The following CDH12 variants were observed in gnomAD, a reference collection of about 807,000 sequenced individuals.
CDH12 encodes the protein cadherin 12, also known as cadherin-12.
A neutral mutation model predicts 74.1 loss-of-function variants in CDH12; 41 were observed. The observed-to-expected ratio is 0.55, with a 90% CI of 0.43 to 0.72. The LOEUF is 0.72. Among genes scored for constraint, CDH12 ranks in the 30% least tolerant of loss-of-function variants. The pLI, the probability that CDH12 is intolerant of heterozygous loss-of-function variation, is 0.00. For missense variants in CDH12, 945 were observed against 977.2 expected (o/e 0.97, Z 0.44); for synonymous variants, 399 against 355.0 (o/e 1.12, Z -1.39).
intron 2 of CDH12, among the ~76,000 whole-genome samples, chr5:22,466,391 A>T (rs2662507): frequency 0.43 from 65,084 of 151,964 alleles, 14,403 homozygotes; most frequent in Admixed American, 0.61. Context: ...ACTGGGATGT[A>T]CAGACCAAAG....
intron 3 of CDH12, among the ~76,000 whole-genome samples, chr5:22,343,920 C>A (rs1408919003): frequency 6.6e-6 from 1 of 152,168 alleles, no homozygotes; most frequent in Non-Finnish European, 1.5e-5. Context: ...TACATTTTCA[C>A]TTAAATTCAC....
chr5:22,053,571 T>C (rs761857510), intron 5 of CDH12, among the ~76,000 whole-genome samples: 1 of 152,260 alleles, frequency 6.6e-6, no homozygotes, highest in Non-Finnish European at 1.5e-5. Flanking sequence ...TCTAGTTCAC[T>C]GATTTCATAA....
intron 1 of CDH12, among the ~76,000 whole-genome samples, chr5:22,794,501 T>A (rs1748087623): frequency 6.6e-6 from 1 of 152,172 alleles, no homozygotes; most frequent in South Asian, 2.1e-4. Flanking sequence ...TGTACGATGA[T>A]CTGCTTACCT....
chr5:22,167,150 G>C (rs1031566353), intron 4 of CDH12, among the ~76,000 whole-genome samples: 3 of 152,144 alleles, frequency 2.0e-5, no homozygotes, highest in Non-Finnish European at 2.9e-5. Context: ...AATTTGTTTA[G>C]ATTAGACCCA....
At chr5:22,375,062 C>G (rs187274559) in intron 3 of CDH12, among the ~76,000 whole-genome samples, 2 of 152,038 alleles carry the variant, frequency 1.3e-5, no homozygotes, top group East Asian at 3.9e-4. Context: ...TATTATAAAG[C>G]TATAATAATC....
chr5:21,878,712 C>T (rs1242501882), intron 6 of CDH12, among the ~76,000 whole-genome samples: 1 of 150,552 alleles, frequency 6.6e-6, no homozygotes, highest in African/African-American at 2.4e-5. Context: ...TGCACTCCAT[C>T]TTCTACAATA....
chr5:22,425,375 G>A (rs1054086287), intron 2 of CDH12, among the ~76,000 whole-genome samples: 4 of 151,018 alleles, frequency 2.6e-5, no homozygotes, highest in African/African-American at 9.7e-5. Context: ...GTCAACGAGT[G>A]TACTGTGTAC....
At position 22,253,279 on chromosome 5, in the gene CDH12, A is replaced by T. The variant is rs550706086; in HGVS notation, c.-332-40636T>A. On this transcript the variant is annotated intron_variant, in intron 3 of 14. Coordinates refer to ENST00000382254, the MANE Select transcript of CDH12 (RefSeq NM_004061.5). ...AGGTACAGCATGACTTTTAAAAGTG[A>T]CTATTTTTCCTTCAGCTGTATCATG... 5.6e-4 allele frequency among the ~76,000 whole-genome samples: 85 copies of T among 152,076 alleles called. No homozygotes were observed. The South Asian group carries it at 0.012, about 22-fold the overall frequency.
intron 3 of CDH12, among the ~76,000 whole-genome samples, chr5:22,330,077 C>A (rs1412813416): frequency 2.6e-5 from 4 of 152,152 alleles, no homozygotes; most frequent in Admixed American, 2.6e-4. Flanking sequence ...CTTCAGCTTG[C>A]ATCAAAGAGA....
intron 6 of CDH12, among the ~76,000 whole-genome samples, chr5:21,939,545 C>T (rs1215924366): frequency 6.6e-6 from 1 of 151,980 alleles, no homozygotes; most frequent in South Asian, 2.1e-4. Flanking sequence ...AAAGAAAAAG[C>T]ATTTTGCCCT....
chr5:22,364,053 C>A (rs542331972), intron 3 of CDH12, among the ~76,000 whole-genome samples: 2 of 152,240 alleles, frequency 1.3e-5, no homozygotes, highest in East Asian at 3.9e-4. Flanking sequence ...TCTGCAGTAA[C>A]GCAGGTGTTG....
intron 5 of CDH12, among the ~76,000 whole-genome samples, chr5:22,069,825 G>T (rs1416765651): frequency 6.6e-6 from 1 of 152,152 alleles, no homozygotes; most frequent in African/African-American, 2.4e-5. Flanking sequence ...CTTGCCCTGT[G>T]ATTAAAGTCA....
intron 6 of CDH12, among the ~76,000 whole-genome samples, chr5:21,973,703 G>T (rs944885876): frequency 4.6e-5 from 7 of 152,106 alleles, no homozygotes; most frequent in Admixed American, 2.6e-4. Flanking sequence ...TAAACTATTT[G>T]TCTACTATAT....
intron 4 of CDH12, among the ~76,000 whole-genome samples, chr5:22,084,857 A>T (rs1742964664): frequency 6.6e-6 from 1 of 152,202 alleles, no homozygotes; most frequent in South Asian, 2.1e-4. Flanking sequence ...CTAAATTACA[A>T]GGAAAAACTA....
chr5:22,261,228 A>T (rs1753500371), intron 3 of CDH12, among the ~76,000 whole-genome samples: 1 of 151,878 alleles, frequency 6.6e-6, no homozygotes, highest in Admixed American at 6.6e-5. Context: ...TTACTCGTTC[A>T]CAAATTTATA....
chr5:22,429,633 A>T (rs1385994292), intron 2 of CDH12, among the ~76,000 whole-genome samples: 1 of 152,186 alleles, frequency 6.6e-6, no homozygotes, highest in East Asian at 1.9e-4. Flanking sequence ...TTATCACTTA[A>T]TAAACCCTCC....
chr5:22,010,409 G>A (rs918474126), intron 5 of CDH12, among the ~76,000 whole-genome samples: 2 of 152,122 alleles, frequency 1.3e-5, no homozygotes, highest in Non-Finnish European at 2.9e-5. Context: ...TATATTACAT[G>A]TGTCCCTGAT....
chr5:22,342,370 G>A (rs927293773), intron 3 of CDH12, among the ~76,000 whole-genome samples: 1 of 152,172 alleles, frequency 6.6e-6, no homozygotes, highest in African/African-American at 2.4e-5. Context: ...GAGATTTGAG[G>A]AGAATTATTA....
chr5:22,117,102 C>A (rs1280287428), intron 4 of CDH12, among the ~76,000 whole-genome samples: 5 of 151,508 alleles, frequency 3.3e-5, no homozygotes, highest in Non-Finnish European at 7.4e-5. Flanking sequence ...TAAACTCACT[C>A]AAGTTAGGTA....
Sources: allele counts gnomAD v4.1 joint callset (sites outside exome capture counted in the v4.1 genomes callset), GRCh38; gene constraint gnomAD v4.1.1; transcripts MANE v1.5; gene names NCBI Gene and HGNC (gene_info 2026-07-23, HGNC 2026-07-21).